Variants in ADAMTSL1 observed in about 807,000 individuals in gnomAD.
ADAMTSL1 encodes the protein ADAMTS like 1.
In ADAMTSL1, 126 loss-of-function variants were observed where a neutral mutation model predicts 201.8. The ratio of observed to expected loss-of-function variants is 0.62; its 90% CI spans 0.54 to 0.72. The LOEUF (loss-of-function observed/expected upper bound fraction) is 0.72, where lower values mean the gene tolerates loss of function less well. Among genes scored for constraint, ADAMTSL1 ranks in the 30% least tolerant of loss-of-function variants. ADAMTSL1 has a pLI of 0.00. For synonymous variants in ADAMTSL1, 1,121 were observed against 903.4 expected, an observed-to-expected ratio of 1.24 and a Z score of -4.32; for missense variants, 2,679 against 2,277.8, an observed-to-expected ratio of 1.18 and a Z score of -3.59.
At chr9:17,937,265 C>G (rs1407329916) in intron 1 of ADAMTSL1, among the ~76,000 whole-genome samples, 1 of 152,138 alleles carries the variant, frequency 6.6e-6, no homozygotes, top group Non-Finnish European at 1.5e-5. Context: ...GATCATTCAT[C>G]CTCACAATAG....
chr9:18,707,107 G>A lies in ADAMTSL1; in HGVS notation c.1876+59G>A, dbSNP rs554614130. The stretch of plus-strand genomic sequence containing the variant: ...ATCTTCTTGCTCATTTTCTCTCTCT[G>A]CATGCAGCTGGATCATGTGACTGCC... On this transcript the variant is annotated intron_variant, in intron 14 of 28. Transcript: ENST00000380548. The A allele has an allele frequency of 7.7e-6, 12 of 1,558,314 alleles. No homozygotes were observed. In the African/African-American group the frequency reaches 1.1e-4, roughly 14 times the overall value.
At chr9:18,173,069 A>T (rs1827976530) in intron 2 of ADAMTSL1, among the ~76,000 whole-genome samples, 1 of 152,228 alleles carries the variant, frequency 6.6e-6, no homozygotes, top group Middle Eastern at 3.4e-3. Flanking sequence ...TTTAAAAATG[A>T]TAATATAAAA....
chr9:18,206,784 G>A (rs10963516), intron 2 of ADAMTSL1, among the ~76,000 whole-genome samples: 25,333 of 152,058 alleles, frequency 0.17, 2,265 homozygotes, highest in East Asian at 0.24. Flanking sequence ...GTACTTGGCC[G>A]TGGAGTTGAT....
At position 18,602,164 on chromosome 9, in the gene ADAMTSL1, C is replaced by T. The variant is rs142733810; in HGVS notation, c.475-20079C>T. ...GAAGGTAGTCATATCTTGAGTCATT[C>T]TTCTGCTGCCTTTACAATGAATTGC... On this transcript the variant is annotated intron_variant, in intron 4 of 28. Transcript: ENST00000380548. Among the ~76,000 whole-genome samples, 490 of 152,292 alleles carry T rather than the reference C, an allele frequency of 3.2e-3. 6 individuals are homozygous for T. Among genetic ancestry groups the T allele is most frequent in the Admixed American group, 0.029 (447 of 15,292 alleles).
chr9:18,587,323 A>G (rs1461466423), intron 4 of ADAMTSL1, among the ~76,000 whole-genome samples: 2 of 152,194 alleles, frequency 1.3e-5, no homozygotes, highest in Non-Finnish European at 1.5e-5. Context: ...TCAAAAGATG[A>G]CATACATGCA....
intron 1 of ADAMTSL1, among the ~76,000 whole-genome samples, chr9:18,121,890 C>T (rs1211478101): frequency 1.3e-5 from 2 of 152,110 alleles, no homozygotes; most frequent in Non-Finnish European, 1.5e-5. Context: ...TTTTCATCTC[C>T]TCCAAAAGAT....
At chr9:18,588,991 C>A (rs1436656116) in intron 4 of ADAMTSL1, among the ~76,000 whole-genome samples, 1 of 147,782 alleles carries the variant, frequency 6.8e-6, no homozygotes, top group Admixed American at 6.8e-5. Context: ...ATCACTGCAA[C>A]CTCCACCCCT....
intron 21 of ADAMTSL1, among the ~76,000 whole-genome samples, chr9:18,821,627 G>A (rs543751977): frequency 6.6e-6 from 1 of 152,190 alleles, no homozygotes; most frequent in Non-Finnish European, 1.5e-5. Context: ...ATGGAGAAAC[G>A]TGGAAGGCTG....
chr9:18,875,050 T>C (rs1828066537), intron 23 of ADAMTSL1, among the ~76,000 whole-genome samples: 1 of 152,092 alleles, frequency 6.6e-6, no homozygotes, highest in South Asian at 2.1e-4. Flanking sequence ...AGTTTGTGCA[T>C]GTAAAGCTGT....
chr9:18,873,367 T>C (rs1423480765), intron 23 of ADAMTSL1, among the ~76,000 whole-genome samples: 1 of 152,198 alleles, frequency 6.6e-6, no homozygotes, highest in African/African-American at 2.4e-5. Flanking sequence ...CATGAAGTCT[T>C]TGCTGAAGCC....
intron 23 of ADAMTSL1, among the ~76,000 whole-genome samples, chr9:18,865,731 G>A (rs1028883042): frequency 4.6e-5 from 7 of 152,216 alleles, no homozygotes; most frequent in Non-Finnish European, 8.8e-5. Flanking sequence ...TCTTTCAGTG[G>A]TTAAGAAGGG....
At chr9:18,170,161 G>A (rs1328005005) in intron 2 of ADAMTSL1, among the ~76,000 whole-genome samples, 4 of 151,864 alleles carry the variant, frequency 2.6e-5, no homozygotes, top group Admixed American at 1.3e-4. Context: ...TACCAGTAAC[G>A]AACTATATAC....
chr9:18,177,496 TA>T (rs1828222599), intron 2 of ADAMTSL1, among the ~76,000 whole-genome samples: 1 of 152,174 alleles, frequency 6.6e-6, no homozygotes, highest in South Asian at 2.1e-4. Flanking sequence ...TTTCCTTATG[TA>T]AAAGAAACTT....
At chr9:18,086,081 C>T (rs1454255727) in intron 1 of ADAMTSL1, among the ~76,000 whole-genome samples, 2 of 152,036 alleles carry the variant, frequency 1.3e-5, no homozygotes, top group Non-Finnish European at 2.9e-5. Flanking sequence ...TGACATTTAC[C>T]AAAGGAAGGA....
At chr9:17,967,344 T>C (rs535637117) in intron 1 of ADAMTSL1, among the ~76,000 whole-genome samples, 2 of 152,268 alleles carry the variant, frequency 1.3e-5, no homozygotes, top group East Asian at 3.9e-4. Context: ...CTAGTTTCAA[T>C]CTTTTGCCAA....
intron 1 of ADAMTSL1, among the ~76,000 whole-genome samples, chr9:18,041,851 GTACA>G (rs1563965322): frequency 6.6e-6 from 1 of 152,112 alleles, no homozygotes; most frequent in African/African-American, 2.4e-5. Context: ...CAACAGAGTA[GTACA>G]TACTTTATGT....
At chr9:18,399,280 C>CACAT (rs1442089519) in intron 2 of ADAMTSL1, among the ~76,000 whole-genome samples, 3 of 31,008 alleles carry the variant, frequency 9.7e-5, no homozygotes, top group African/African-American at 2.9e-4. Flanking sequence ...GTCTGCTTTA[C>CACAT]ATATATATAT....
intron 14 of ADAMTSL1, among the ~76,000 whole-genome samples, chr9:18,716,992 A>G (rs1203877089): frequency 7.5e-6 from 1 of 133,670 alleles, no homozygotes; most frequent in African/African-American, 2.6e-5. Context: ...GCAAGAACAA[A>G]AAACCAAACC....
At position 18,828,668 on chromosome 9, in the gene ADAMTSL1, A is replaced by ATATATATATATATATATATG. The variant is rs1563835985; in HGVS notation, c.4115-1156_4115-1155insGTATATATATATATATATAT. ...TTCTTTTGAAAGTATATTTATATAT[A>ATATATATATATATATATATG]TATATATATATATATATATATATAT... On this transcript the variant is annotated intron_variant, in intron 22 of 28. Coordinates refer to ENST00000380548, the MANE Select transcript of ADAMTSL1 (RefSeq NM_001040272.6). Among the ~76,000 whole-genome samples, 3 of 78,332 alleles carry ATATATATATATATATATATG rather than the reference A, an allele frequency of 3.8e-5. 1 individual carries two copies. The East Asian group carries it at 2.0e-3, about 51-fold the overall frequency. 51.4% of individuals were successfully genotyped at this position (78,332 alleles called of 152,430 possible). A position where few individuals can be genotyped will look rare whatever the true frequency, so the allele number is the denominator to read the frequency against.
Sources: allele counts gnomAD v4.1 joint callset (sites outside exome capture counted in the v4.1 genomes callset), GRCh38; gene constraint gnomAD v4.1.1; transcripts MANE v1.5; gene names NCBI Gene and HGNC (gene_info 2026-07-23, HGNC 2026-07-21).